Variants in TRAPPC9 observed in about 807,000 individuals in gnomAD.
The protein encoded by TRAPPC9 is trafficking protein particle complex subunit 9.
Under a neutral mutation model 124.0 loss-of-function variants are expected in TRAPPC9, and 83 were observed. That is an observed-to-expected ratio of 0.67 (90% CI 0.56 to 0.80). TRAPPC9 has a LOEUF of 0.80. Ranked by LOEUF, TRAPPC9 falls within the 30% of genes least tolerant of loss-of-function variation. The pLI, the probability that TRAPPC9 is intolerant of heterozygous loss-of-function variation, is 0.00. For missense variants in TRAPPC9, 1,302 were observed against 1,508.3 expected, an observed-to-expected ratio of 0.86 and a Z score of 2.27; for synonymous variants, 638 against 617.5, an observed-to-expected ratio of 1.03 and a Z score of -0.49.
intron 17 of TRAPPC9, among the ~76,000 whole-genome samples, chr8:140,116,821 A>G (rs60329081): frequency 0.31 from 31,816 of 103,268 alleles, 5,686 homozygotes; most frequent in African/African-American, 0.54. Context: ...GTGGGGCTGA[A>G]TAGGCGGAGT....
At chr8:140,225,200 T>C (rs1000656685) in intron 16 of TRAPPC9, among the ~76,000 whole-genome samples, 1 of 152,366 alleles carries the variant, frequency 6.6e-6, no homozygotes, top group East Asian at 1.9e-4. Flanking sequence ...CCTTGAAGAC[T>C]GAATTCTTGT....
intron 21 of TRAPPC9, among the ~76,000 whole-genome samples, chr8:139,752,389 T>C: frequency 7.6e-6 from 1 of 132,144 alleles, no homozygotes; most frequent in Non-Finnish European, 1.6e-5. Flanking sequence ...CCATCCACAA[T>C]TGAACCATCC....
intron 21 of TRAPPC9, among the ~76,000 whole-genome samples, chr8:139,872,425 TG>T (rs1240505308): frequency 1.3e-4 from 18 of 137,414 alleles, no homozygotes; most frequent in African/African-American, 2.2e-4. Flanking sequence ...GATGGATGGA[TG>T]GGCTGGTGGA....
At chr8:139,929,281 C>T (rs1368242685) in intron 19 of TRAPPC9, among the ~76,000 whole-genome samples, 1 of 152,216 alleles carries the variant, frequency 6.6e-6, no homozygotes, top group African/African-American at 2.4e-5. Context: ...TTACAAAGCA[C>T]AGCACAGAGT....
At position 140,037,935 on chromosome 8, in the gene TRAPPC9, T is replaced by A. The variant is rs1025785116; in HGVS notation, c.2557-13856A>T. Among the ~76,000 whole-genome samples the A allele has an allele frequency of 8.1e-5, 7 of 86,358 alleles. 2 individuals carry two copies. Among genetic ancestry groups the A allele is most frequent in the Non-Finnish European group, 1.7e-4 (5 of 30,092 alleles). 56.7% of individuals were successfully genotyped at this position (86,358 alleles called of 152,430 possible). On this transcript the variant is annotated intron_variant, in intron 17 of 22. Transcript: ENST00000438773. The stretch of plus-strand genomic sequence containing the variant: ...ACCCCAGAGCTTCCCTCGTGCTGCA[T>A]GGTAGGAAAGTTGCTGAAAGCTGTA...
At chr8:139,947,722 G>A (rs547365130) in intron 19 of TRAPPC9, among the ~76,000 whole-genome samples, 1 of 150,990 alleles carries the variant, frequency 6.6e-6, no homozygotes, top group South Asian at 2.1e-4. Flanking sequence ...AAAAAAATTA[G>A]CCGGTCATGG....
At chr8:140,079,909 G>A (rs749661910) in intron 17 of TRAPPC9, among the ~76,000 whole-genome samples, 5 of 152,054 alleles carry the variant, frequency 3.3e-5, no homozygotes, top group African/African-American at 7.2e-5. Flanking sequence ...CAGCCTGGGC[G>A]AGAGAGCACA....
At chr8:140,391,150 A>G (rs1341852486) in intron 7 of TRAPPC9, among the ~76,000 whole-genome samples, 1 of 152,228 alleles carries the variant, frequency 6.6e-6, no homozygotes, top group Non-Finnish European at 1.5e-5. Flanking sequence ...AGCCTGCATA[A>G]AATTTGAATG....
At chr8:139,757,331 G>C (rs1252914440) in intron 21 of TRAPPC9, among the ~76,000 whole-genome samples, 1 of 145,990 alleles carries the variant, frequency 6.8e-6, no homozygotes, top group Admixed American at 6.8e-5. Context: ...CCAGGGATTG[G>C]GGATGAGGAC....
chr8:139,947,941 G>GAGAGAGAA (rs1834369834), intron 19 of TRAPPC9, among the ~76,000 whole-genome samples: 1 of 140,876 alleles, frequency 7.1e-6, no homozygotes, highest in Non-Finnish European at 1.5e-5. Context: ...GAGAGAGAGA[G>GAGAGAGAA]AGAGTATAAG....
At chr8:140,427,533 G>C (rs1443804066) in intron 4 of TRAPPC9, among the ~76,000 whole-genome samples, 1 of 152,082 alleles carries the variant, frequency 6.6e-6, no homozygotes, top group Non-Finnish European at 1.5e-5. Context: ...TGAAAGCCTT[G>C]GTGGTCTGCT....
Position 139,984,071 on chromosome 8 carries a change from G to C in TRAPPC9, c.2810+4655C>G, listed in dbSNP as rs1837085381. 6.6e-6 allele frequency among the ~76,000 whole-genome samples: 1 copy of C among 152,112 alleles called. No individual in the cohort carries two copies. The highest frequency in any genetic ancestry group is 6.5e-5 in the Admixed American group (1 of 15,280). On this transcript the variant is annotated intron_variant, in intron 19 of 22. Transcript: ENST00000438773. The surrounding 1 kb of genome is among the most constrained non-coding windows in gnomAD (Gnocchi z 4.3). ...ATTTCTATCCATAGCTCTTGCACTG[G>C]GTGAGATGAGATCACCCCTTCCTAC...
At chr8:140,457,232 G>A (rs1353754888) in intron 1 of TRAPPC9, among the ~76,000 whole-genome samples, 2 of 152,174 alleles carry the variant, frequency 1.3e-5, no homozygotes, top group East Asian at 1.9e-4. Context: ...GCCCAGGGGC[G>A]GGGGGCTCCA....
intron 19 of TRAPPC9, among the ~76,000 whole-genome samples, chr8:139,948,744 G>A (rs776445602): frequency 2.2e-4 from 33 of 152,112 alleles, no homozygotes; most frequent in African/African-American, 7.5e-4. Context: ...CCATTATCAG[G>A]GTGAGCCTGT....
At chr8:139,819,043 C>T (rs553264708) in intron 21 of TRAPPC9, among the ~76,000 whole-genome samples, 5 of 152,286 alleles carry the variant, frequency 3.3e-5, no homozygotes, top group South Asian at 2.1e-4. Flanking sequence ...AGGTGAGCGG[C>T]GGGTGAAGCT....
chr8:140,234,113 A>C (rs1322511379), intron 16 of TRAPPC9, among the ~76,000 whole-genome samples: 6 of 152,206 alleles, frequency 3.9e-5, no homozygotes, highest in Admixed American at 3.9e-4. Context: ...GAACTGGGCC[A>C]TGCAGCAGGA....
chr8:140,123,992 C>A (rs1350407923), intron 17 of TRAPPC9, among the ~76,000 whole-genome samples: 1 of 152,220 alleles, frequency 6.6e-6, no homozygotes, highest in Non-Finnish European at 1.5e-5. Context: ...TGGACCCTGG[C>A]TGAAGCAGCA....
chr8:139,979,966 G>A lies in TRAPPC9; in HGVS notation c.2810+8760C>T, dbSNP rs547513473. Among the ~76,000 whole-genome samples the A allele has an allele frequency of 3.2e-4, 49 of 152,226 alleles. 1 individual carries two copies. Among genetic ancestry groups the A allele is most frequent in the Admixed American group, 1.3e-3 (20 of 15,300 alleles). On this transcript the variant is annotated intron_variant, in intron 19 of 22. Coordinates refer to ENST00000438773, the MANE Select transcript of TRAPPC9 (RefSeq NM_001160372.4). ...CCATGGGTGCTGGCGGGAGGCCTTC[G>A]GACCACAGAGGGAAGAAGCGATCTG...
intron 18 of TRAPPC9, among the ~76,000 whole-genome samples, chr8:140,018,324 A>ATTTTTTCTTTTTTCTTTTT (rs765656679): frequency 1.3e-4 from 15 of 119,784 alleles, no homozygotes; most frequent in African/African-American, 4.9e-4. Context: ...AACGTAAGTG[A>ATTTTTTCTTTTTTCTTTTT]TTTTTTTTTT....
Sources: allele counts gnomAD v4.1 joint callset (sites outside exome capture counted in the v4.1 genomes callset), GRCh38; gene constraint gnomAD v4.1.1; non-coding constraint Gnocchi (gnomAD v3.1); transcripts MANE v1.5; gene names NCBI Gene and HGNC (gene_info 2026-07-23, HGNC 2026-07-21).